ARHGEF10L: variants seen among roughly 807,000 people sequenced by gnomAD.
ARHGEF10L encodes the protein Rho guanine nucleotide exchange factor 10 like.
ARHGEF10L carries 69 observed loss-of-function variants against 141.2 expected under a neutral mutation model. The observed-to-expected ratio is 0.49, with a 90% CI of 0.40 to 0.60. ARHGEF10L has a LOEUF of 0.60. ARHGEF10L is among the 20% of genes least tolerant of loss of function. The pLI, the probability that ARHGEF10L is intolerant of heterozygous loss-of-function variation, is 0.00. For missense variants in ARHGEF10L, 1,482 were observed against 1,734.3 expected (o/e 0.85, Z 2.58); for synonymous variants, 711 against 718.5 (o/e 0.99, Z 0.17).
intron 1 of ARHGEF10L, among the ~76,000 whole-genome samples, chr1:17,545,237 A>G (rs969940127): frequency 6.6e-6 from 1 of 152,196 alleles, no homozygotes; most frequent in Admixed American, 6.5e-5. Flanking sequence ...AAACACTGCA[A>G]ATCAGAATCT....
chr1:17,647,851 G>A (rs529500838), intron 21 of ARHGEF10L, among the ~76,000 whole-genome samples: 1 of 152,294 alleles, frequency 6.6e-6, no homozygotes, highest in Middle Eastern at 3.4e-3. Flanking sequence ...CACAGAGAAC[G>A]AGGTTTAGCA....
At chr1:17,686,593 T>TG (rs2064619415) in intron 26 of ARHGEF10L, among the ~76,000 whole-genome samples, 1 of 151,466 alleles carries the variant, frequency 6.6e-6, no homozygotes, top group Non-Finnish European at 1.5e-5. Flanking sequence ...GGAGGACAGT[T>TG]CGGGGGGGCA....
rs370037236 is a variant in ARHGEF10L at position 17,687,779 on chromosome 1, A to G, written c.3184+32A>G. 70 of 1,548,014 alleles carry G rather than the reference A, an allele frequency of 4.5e-5. No individual in the cohort carries two copies. The African/African-American group carries it at 8.3e-4, about 18-fold the overall frequency. ...CTGCCTCGGGCACGGGGGAGCGGAC[A>G]GTCACAGAGCACCTTCCACGGCCAG... On this transcript the variant is annotated intron_variant, in intron 27 of 28. Transcript: ENST00000361221.
chr1:17,688,265 G>A (rs78962684), intron 27 of ARHGEF10L, among the ~76,000 whole-genome samples: 1,543 of 152,322 alleles, frequency 0.01, 37 homozygotes, highest in African/African-American at 0.035. Context: ...CCCCTCCTGC[G>A]TAGCTGTGTG....
chr1:17,549,426 G>A (rs967882014), intron 1 of ARHGEF10L, among the ~76,000 whole-genome samples: 1 of 152,156 alleles, frequency 6.6e-6, no homozygotes, highest in Admixed American at 6.5e-5. Flanking sequence ...ACAGACTGGT[G>A]GATGGTGATA....
chr1:17,624,013 G>T (rs1363279488), intron 12 of ARHGEF10L, among the ~76,000 whole-genome samples: 2 of 152,138 alleles, frequency 1.3e-5, no homozygotes, highest in African/African-American at 4.8e-5. Context: ...GGAGGGCAAG[G>T]GGCATTCGAT....
At chr1:17,581,119 A>G (rs2100512961) in intron 2 of ARHGEF10L, among the ~76,000 whole-genome samples, 1 of 152,168 alleles carries the variant, frequency 6.6e-6, no homozygotes, top group South Asian at 2.1e-4. Context: ...GTTCGGGACC[A>G]GCCTGGCCAA....
Position 17,619,457 on chromosome 1 carries a change from A to C in ARHGEF10L, c.942+12A>C, listed in dbSNP as rs1350091472. The stretch of plus-strand genomic sequence containing the variant: ...TGAGCCCTCAGCAGGTCTGTGGGGG[A>C]GTGGGGCAGGTGGGGGTCTGCAGGG... On this transcript the variant is annotated intron_variant, in intron 10 of 28. Coordinates refer to ENST00000361221, the MANE Select transcript of ARHGEF10L (RefSeq NM_018125.4). This position sits in a 1 kb window ranked among gnomAD's most constrained non-coding sequence, Gnocchi z 5.0. 1.1e-6 allele frequency: 1 copy of C among 878,166 alleles called. No homozygotes were observed. The highest frequency in any genetic ancestry group is 1.6e-6 in the Non-Finnish European group (1 of 630,410). 54.4% of individuals were successfully genotyped at this position (878,166 alleles called of 1,614,324 possible).
At chr1:17,690,935 C>T (rs1227532204) in intron 27 of ARHGEF10L, among the ~76,000 whole-genome samples, 1 of 152,062 alleles carries the variant, frequency 6.6e-6, no homozygotes, top group Non-Finnish European at 1.5e-5. Flanking sequence ...TTTTTTCTTC[C>T]CCCACACCAG....
At chr1:17,661,745 C>T (rs1008725970) in intron 25 of ARHGEF10L, among the ~76,000 whole-genome samples, 1 of 152,234 alleles carries the variant, frequency 6.6e-6, no homozygotes, top group East Asian at 1.9e-4. Context: ...CACTACTCAC[C>T]TCTGGCCACT....
intron 26 of ARHGEF10L, among the ~76,000 whole-genome samples, chr1:17,677,199 C>T (rs1051712065): frequency 2.6e-5 from 4 of 152,138 alleles, no homozygotes; most frequent in African/African-American, 4.8e-5. Context: ...TACTGTGTGC[C>T]GGGGGCTCAG....
chr1:17,616,381 TC>T (rs2059808667), intron 9 of ARHGEF10L, among the ~76,000 whole-genome samples, 179 bp downstream of exon 9: 1 of 151,982 alleles, frequency 6.6e-6, no homozygotes, highest in East Asian at 1.9e-4. Context: ...CCAGTGTGCC[TC>T]CCCCTCCTCT....
At chr1:17,695,814 G>A (rs967450262) in intron 28 of ARHGEF10L, among the ~76,000 whole-genome samples, 1 of 152,082 alleles carries the variant, frequency 6.6e-6, no homozygotes, top group African/African-American at 2.4e-5. Context: ...AATGATGACT[G>A]TGGTCTTTTC....
At chr1:17,577,835 C>T (rs2078286366) in intron 1 of ARHGEF10L, among the ~76,000 whole-genome samples, 1 of 152,178 alleles carries the variant, frequency 6.6e-6, no homozygotes, top group African/African-American at 2.4e-5. Flanking sequence ...TTTCCTCATC[C>T]GTAAGCTGGG....
chr1:17,692,695 A>T (rs1263280815), intron 27 of ARHGEF10L, among the ~76,000 whole-genome samples: 1 of 152,148 alleles, frequency 6.6e-6, no homozygotes, highest in East Asian at 1.9e-4. Flanking sequence ...TGTAGCTAGA[A>T]CGTTCCACTC....
At chr1:17,545,740 C>T (rs1462299180) in intron 1 of ARHGEF10L, among the ~76,000 whole-genome samples, 4 of 152,146 alleles carry the variant, frequency 2.6e-5, no homozygotes, top group Non-Finnish European at 4.4e-5. Context: ...TAGAGGCAGA[C>T]GGTTGCTCTT....
chr1:17,553,557 G>A (rs1455288377), intron 1 of ARHGEF10L, among the ~76,000 whole-genome samples: 1 of 152,080 alleles, frequency 6.6e-6, no homozygotes, highest in African/African-American at 2.4e-5. Flanking sequence ...TGAGGTGGGA[G>A]TGTCGCTTGA....
At chr1:17,528,544 C>A in the ARHGEF10L span, among the ~76,000 whole-genome samples, 2 of 151,916 alleles carry the variant, frequency 1.3e-5, no homozygotes, top group Non-Finnish European at 1.5e-5. Context: ...CATCCATCCA[C>A]CCATCCATCC....
chr1:17,637,978 T>A lies in ARHGEF10L; in HGVS notation c.2018T>A (p.Ile673Asn), dbSNP rs1205030068. The A allele has an allele frequency of 6.3e-7, 1 of 1,595,996 alleles. No individual in the cohort carries two copies. The highest frequency in any genetic ancestry group is 2.3e-5 in the East Asian group (1 of 44,196). The change falls in exon 19 of 29, where the codon ATC becomes AAC. Residue 673 changes from isoleucine to asparagine, a missense_variant. Physicochemically the swap from Ile to Asn is moderately radical, Grantham distance 149. Around this residue, in one of 3 missense-constraint regions of ARHGEF10L, gnomAD observed 858 missense variants for 966.3 expected, o/e 0.89. Transcript: ENST00000361221. ...GTGGTGGAGCAGATCACGCTTCTCATCAGCACGCTGCACGGCACCTACCAG... is the reference window on the plus strand; with the variant it reads ...GTGGTGGAGCAGATCACGCTTCTCAACAGCACGCTGCACGGCACCTACCAG... ...LAVVEQITLL[I>N]STLHGTYQNL... is the part of the protein sequence containing the mutation.
Sources: gnomAD v4.1 joint callset for allele counts (sites outside exome capture counted in the v4.1 genomes callset) on GRCh38, gnomAD v4.1.1 for gene constraint, gnomAD v4.1.1 regional missense constraint, Gnocchi (gnomAD v3.1) non-coding constraint, MANE v1.5 for transcripts, NCBI Gene and HGNC (gene_info 2026-07-23, HGNC 2026-07-21) for gene names.